PTPRN: variants seen among roughly 807,000 people sequenced by gnomAD.
The protein encoded by PTPRN is receptor-type tyrosine-protein phosphatase-like N.
PTPRN carries 70 observed loss-of-function variants against 108.5 expected under a neutral mutation model. The observed-to-expected ratio is 0.65, with a 90% confidence interval of 0.53 to 0.79. PTPRN has a LOEUF of 0.79. PTPRN is among the 30% of genes least tolerant of loss of function. The pLI, the probability that PTPRN is intolerant of heterozygous loss-of-function variation, is 0.00. For synonymous variants in PTPRN, 496 were observed against 524.6 expected (o/e 0.95, Z 0.75); for missense variants, 1,136 against 1,295.5 (o/e 0.88, Z 1.89).
Position 219,301,589 on chromosome 2 carries a change from C to T in PTPRN, c.1125G>A (p.Pro375=), listed in dbSNP as rs201427787. Residue 375 remains proline, a splice_region_variant and synonymous_variant, in exon 7 of 23, where the codon CCG becomes CCA. Coordinates refer to ENST00000295718, the MANE Select transcript of PTPRN (RefSeq NM_002846.4). ...CCCTCCCTCTGCCTGGACACTTACC[C>T]GGATTTCTTCCTGCACCCTTGGGCA... is the stretch of plus-strand genomic sequence containing the variant. ...QLLPKGAGRN[P]GGVVNVGADI... The T allele has an allele frequency of 5.6e-6, 9 of 1,605,174 alleles. No homozygotes were observed. The highest frequency in any genetic ancestry group is 1.7e-4 in the Middle Eastern group (1 of 6,054).
rs758514141 is a variant in PTPRN at position 219,301,606 on chromosome 2, C to T, written c.1108G>A (p.Gly370Ser). 18 of 1,612,106 alleles carry T rather than the reference C, an allele frequency of 1.1e-5. No individual in the cohort carries two copies. In the Middle Eastern group the frequency reaches 5.0e-4, roughly 44 times the overall value. The change falls in exon 7 of 23, where the codon GGT (glycine) becomes AGT (serine). Residue 370 changes from glycine (G) to serine (S), a missense_variant. Transcript: ENST00000295718. ...CACTTACCCGGATTTCTTCCTGCAC[C>T]CTTGGGCAGTAGCTGCAGCAGGGTC... ...LLTLLQLLPK[G>S]AGRNPGGVVN...
intron 20 of PTPRN, 99 bp downstream of exon 20, chr2:219,291,371 T>C: frequency 6.8e-6 from 9 of 1,321,288 alleles, no homozygotes; most frequent in Non-Finnish European, 9.8e-6. Flanking sequence ...ATTTGGACTA[T>C]GCCTGCAGTT....
intron 8 of PTPRN, 53 bp from the exon 9 acceptor site, chr2:219,300,312 T>A (rs1574923716): frequency 6.0e-6 from 9 of 1,499,496 alleles, no homozygotes; most frequent in Non-Finnish European, 8.0e-6. Context: ...GGGGAAGGGG[T>A]ACCCTGGACT....
chr2:219,294,095 G>A, intron 19 of PTPRN: 1 of 529,104 alleles, frequency 1.9e-6, no homozygotes, highest in Non-Finnish European at 3.9e-6. Context: ...CACATGTCCT[G>A]TCTGTCCATG....
chr2:219,300,829 CA>C (rs1952327569), intron 8 of PTPRN, 113 bp downstream of exon 8: 2 of 1,252,540 alleles, frequency 1.6e-6, no homozygotes, highest in East Asian at 2.3e-5. Flanking sequence ...TGGTTTCCCC[CA>C]AAATGAGGGG....
In PTPRN at chr2:219,297,262, T is replaced by C; in HGVS notation, c.2059A>G (p.Met687Val). The C allele has an allele frequency of 1.9e-6, 3 of 1,614,088 alleles. No individual in the cohort carries two copies. Residue 687 changes from methionine to valine, a missense_variant, in exon 14 of 23, where the codon ATG (methionine) becomes GTG (valine). Transcript: ENST00000295718. The surrounding 1 kb of genome is among the most constrained non-coding windows in gnomAD (Gnocchi z 6.0). ...ATCATGTGTCCCGTGGAGATGTCCA[T>C]GTTGGCTTGGGCCGGCTCCTCGCAC... ...SWCEEPAQAN[M>V]DISTGHMILA... is the part of the protein sequence containing the mutation.
In PTPRN at chr2:219,295,075, C is replaced by A. The variant is rs373906567; in HGVS notation, c.2575G>T (p.Val859Leu). 3 of 1,613,598 alleles carry A rather than the reference C, an allele frequency of 1.9e-6. No homozygotes were observed. Among genetic ancestry groups the A allele is most frequent in the Non-Finnish European group, 8.5e-7 (1 of 1,179,670 alleles). Residue 859 changes from valine (V) to leucine (L), a missense_variant, in exon 19 of 23, where the codon GTG (valine) becomes TTG (leucine). Coordinates refer to ENST00000295718, the MANE Select transcript of PTPRN (RefSeq NM_002846.4). ...AGCGTGCGCGTCTCCTGGGTCTGCA[C>A]GTTCTTCAGGTAGAAGCTCCGCACC... ...FLVRSFYLKN[V>L]QTQETRTLTQ... is the part of the protein sequence containing the mutation.
Position 219,309,201 on chromosome 2 carries a change from C to CCCCCACTTTG in PTPRN, c.115+16_115+17insCAAAGTGGGG. 1 of 1,516,234 alleles carries CCCCCACTTTG rather than the reference C, an allele frequency of 6.6e-7. No homozygotes were observed. The highest frequency in any genetic ancestry group is 8.9e-7 in the Non-Finnish European group (1 of 1,125,666). 93.9% of individuals were successfully genotyped at this position (1,516,234 alleles called of 1,614,324 possible). On this transcript the variant is annotated intron_variant, in intron 1 of 22. Coordinates refer to ENST00000295718, the MANE Select transcript of PTPRN (RefSeq NM_002846.4). ...TCCCCGCCCCCCACCACCCGCCAGC[C>CCCCCACTTTG]CAAGTTTCCTCCTGACCGTGGGCAC...
intron 3 of PTPRN, chr2:219,304,204 C>T (rs1952427501): frequency 6.3e-6 from 1 of 157,860 alleles, no homozygotes; most frequent in African/African-American, 2.4e-5. Context: ...ATGTAGTGAA[C>T]TTTTAACAAA....
At chr2:219,292,510 C>A (rs1952074936) in intron 19 of PTPRN, 1 of 152,204 alleles carries the variant, frequency 6.6e-6, no homozygotes, top group South Asian at 2.1e-4. Context: ...AGAATGGCTT[C>A]ATAGGAGTCC....
At chr2:219,295,546 A>G (rs1046964420) in intron 18 of PTPRN, 1 of 164,490 alleles carries the variant, frequency 6.1e-6, no homozygotes, top group African/African-American at 2.4e-5. Context: ...TGGGGAAAAA[A>G]TTACTATTCA....
At chr2:219,303,885 C>T (rs2271593) in intron 3 of PTPRN, 54 bp from the exon 4 acceptor site, 227,058 of 1,394,108 alleles carry the variant, frequency 0.16, 20,858 homozygotes, top group African/African-American at 0.32. Flanking sequence ...GATCCAGTAA[C>T]GGGGACCACT....
At position 219,300,231 on chromosome 2, in the gene PTPRN, T is replaced by A. The variant is rs778990732; in HGVS notation, c.1190A>T (p.Asp397Val). The A allele has an allele frequency of 1.2e-5, 19 of 1,586,914 alleles. No homozygotes were observed. The highest frequency in any genetic ancestry group is 4.0e-5 in the African/African-American group (3 of 74,400). ...KTMEGPVEGRDTAELPARTSP... is the reference protein window; with the variant it reads ...KTMEGPVEGRVTAELPARTSP... ...TGTGCGGGCTGGAAGCTCTGCTGTGTCTCTGCCCTCCACCGGCCCCTCCAT... is the reference window on the plus strand; with the variant it reads ...TGTGCGGGCTGGAAGCTCTGCTGTGACTCTGCCCTCCACCGGCCCCTCCAT... The change falls in exon 9 of 23, where the codon GAC becomes GTC. Residue 397 changes from aspartate to valine, a missense_variant. Coordinates refer to ENST00000295718, the MANE Select transcript of PTPRN (RefSeq NM_002846.4).
Position 219,300,049 on chromosome 2 carries a change from C to T in PTPRN, c.1372G>A (p.Val458Met). The change falls in exon 9 of 23, where the codon GTG becomes ATG. Residue 458 changes from valine (V) to methionine (M), a missense_variant. Coordinates refer to ENST00000295718, the MANE Select transcript of PTPRN (RefSeq NM_002846.4). ...GGGCGGGCTGAGGGCTGTCCTGCCA[C>T]CGTGGGCTGGCTCTGGCCCAGTGGG... ...KSPLGQSQPTVAGQPSARPAA... is the reference protein window; with the variant it reads ...KSPLGQSQPTMAGQPSARPAA... 6.2e-7 allele frequency: 1 copy of T among 1,614,224 alleles called. No individual in the cohort carries two copies. Among genetic ancestry groups the T allele is most frequent in the Non-Finnish European group, 8.5e-7 (1 of 1,180,036 alleles).
At chr2:219,298,624 C>T (rs1241900319) in intron 12 of PTPRN, among the ~76,000 whole-genome samples, 7 of 152,200 alleles carry the variant, frequency 4.6e-5, no homozygotes, top group African/African-American at 9.7e-5. Flanking sequence ...GCAGGAGAAT[C>T]GCTTGAACCT....
At chr2:219,299,529 T>TGCTGGGTGGGGCCAGCAACGG in intron 10 of PTPRN, 145 bp from the exon 11 acceptor site, 1 of 1,158,906 alleles carries the variant, frequency 8.6e-7, no homozygotes, top group Non-Finnish European at 1.3e-6. Context: ...GCAAGGAAGA[T>TGCTGGGTGGGGCCAGCAACGG]GCTGGGTGGG....
At position 219,290,448 on chromosome 2, in the gene PTPRN, G is replaced by A. The variant is rs2125087111; in HGVS notation, c.2868+90C>T. The A allele has an allele frequency of 7.0e-7, 1 of 1,423,518 alleles. No individual in the cohort carries two copies. The highest frequency in any genetic ancestry group is 1.2e-5 in the South Asian group (1 of 80,998). 88.2% of individuals were successfully genotyped at this position (1,423,518 alleles called of 1,614,324 possible). A position where few individuals can be genotyped will look rare whatever the true frequency, so the allele number is the denominator to read the frequency against. Reference sequence around the variant, plus strand: ...AGGAGGCGCAGAAGCAGGTGGGAAAGGTTGGCAGCTGCTGCTTTCCCTGGG... The same window carrying A: ...AGGAGGCGCAGAAGCAGGTGGGAAAAGTTGGCAGCTGCTGCTTTCCCTGGG... On this transcript the variant is annotated intron_variant, in intron 22 of 22. Coordinates refer to ENST00000295718, the MANE Select transcript of PTPRN (RefSeq NM_002846.4). This position sits in a 1 kb window ranked among gnomAD's most constrained non-coding sequence, Gnocchi z 4.2.
chr2:219,296,504 G>C lies in PTPRN; in HGVS notation c.2323C>G (p.Pro775Ala). 1 of 1,614,092 alleles carries C rather than the reference G, an allele frequency of 6.2e-7. No individual in the cohort carries two copies. The highest frequency in any genetic ancestry group is 8.5e-7 in the Non-Finnish European group (1 of 1,180,012). Residue 775 changes from proline (P) to alanine (A), a missense_variant, in exon 17 of 23, where the codon CCT becomes GCT. By Grantham distance (27) the Pro-to-Ala change is conservative. Coordinates refer to ENST00000295718, the MANE Select transcript of PTPRN (RefSeq NM_002846.4). The surrounding 1 kb of genome is among the most constrained non-coding windows in gnomAD (Gnocchi z 6.0). ...GTGGCTATGTAGGCTGGCATCCGAGGGTCATGCTCAATCTGGAGGCAGGGA... is the reference window on the plus strand; with the variant it reads ...GTGGCTATGTAGGCTGGCATCCGAGCGTCATGCTCAATCTGGAGGCAGGGA... ...INASPIIEHD[P>A]RMPAYIATQG...
At chr2:219,303,936 T>A (rs1448366203) in intron 3 of PTPRN, 105 bp from the exon 4 acceptor site, 17 of 818,958 alleles carry the variant, frequency 2.1e-5, no homozygotes, top group Non-Finnish European at 3.0e-5. Flanking sequence ...GCTCATGGGG[T>A]TTGTCAGAGT....
Sources: gnomAD v4.1 joint callset for allele counts (sites outside exome capture counted in the v4.1 genomes callset) on GRCh38, gnomAD v4.1.1 for gene constraint, Gnocchi (gnomAD v3.1) non-coding constraint, MANE v1.5 for transcripts, NCBI Gene and HGNC (gene_info 2026-07-23, HGNC 2026-07-21) for gene names.